Variants in GANAB observed in about 807,000 individuals in gnomAD.
The protein encoded by GANAB is glucosidase II alpha subunit.
A neutral mutation model predicts 129.9 loss-of-function variants in GANAB; 35 were observed. The ratio of observed to expected loss-of-function variants is 0.27; its 90% CI spans 0.21 to 0.36. The LOEUF (loss-of-function observed/expected upper bound fraction) is 0.36. Among genes scored for constraint, GANAB ranks in the 10% least tolerant of loss-of-function variants. The probability of loss-of-function intolerance (pLI) is 1.00; values close to 1 mark genes in which losing one functional copy is unlikely to be tolerated. For missense variants in GANAB, 939 were observed against 1,221.0 expected, an observed-to-expected ratio of 0.77 and a Z score of 3.44; for synonymous variants, 482 against 451.8, an observed-to-expected ratio of 1.07 and a Z score of -0.85.
intron 5 of GANAB, chr11:62,634,359 TA>T: frequency 6.2e-7 from 1 of 1,611,182 alleles, no homozygotes. Flanking sequence ...AGCGTGAGAT[TA>T]ACCTTATCCG....
chr11:62,632,933 C>T, intron 8 of GANAB, 72 bp downstream of exon 8: 1 of 1,018,996 alleles, frequency 9.8e-7, no homozygotes, highest in Admixed American at 1.7e-5. Flanking sequence ...ATCCAATATG[C>T]ACACCCATCT....
Position 62,629,110 on chromosome 11 carries a change from C to G in GANAB, c.1936+84G>C, listed in dbSNP as rs1474390937. 3.9e-6 allele frequency: 6 copies of G among 1,549,136 alleles called. No individual in the cohort carries two copies. In the African/African-American group the frequency reaches 8.2e-5, roughly 21 times the overall value. On this transcript the variant is annotated intron_variant, in intron 16 of 23. Coordinates refer to ENST00000356638, the MANE Select transcript of GANAB (RefSeq NM_198334.3). ...GGCCCTAACTTGGACTCTCAACTCT[C>G]TTTGCTTACAACACCTTGGTCCTGT...
rs1943791852 is a variant in GANAB at position 62,633,514 on chromosome 11, C to T, written c.561G>A (p.Ser187=). Residue 187 remains serine, a splice_region_variant and synonymous_variant, in exon 6 of 24, where the codon TCG becomes TCA. Transcript: ENST00000356638. ...EFEHQRAPRV[S]QGSKDPAEGD... ...CCTCAGCTGGGTCTTTTGATCCTTG[C>T]CTGGAAGGTAGGAGAGCTGTCTGCT... The T allele has an allele frequency of 6.2e-7, 1 of 1,613,630 alleles. No individual in the cohort carries two copies.
At chr11:62,644,038 G>A (rs1944374802) in intron 1 of GANAB, among the ~76,000 whole-genome samples, 1 of 152,098 alleles carries the variant, frequency 6.6e-6, no homozygotes, top group Non-Finnish European at 1.5e-5. Context: ...TCTGCCTCGC[G>A]GGTTCAAGCA....
intron 9 of GANAB, among the ~76,000 whole-genome samples, chr11:62,632,217 G>A (rs1427151313): frequency 2.0e-5 from 3 of 151,032 alleles, no homozygotes; most frequent in East Asian, 2.0e-4. Context: ...CAGGTGATCC[G>A]CCCACCTCAG....
chr11:62,627,192 TG>T, intron 18 of GANAB, 68 bp from the exon 19 acceptor site: 12 of 1,462,042 alleles, frequency 8.2e-6, no homozygotes, highest in Non-Finnish European at 1.2e-5. Context: ...CCAAAGTGCC[TG>T]CCCTCTGCAC....
chr11:62,630,104 G>A (rs1253176861), intron 13 of GANAB, 93 bp downstream of exon 13: 14 of 1,297,286 alleles, frequency 1.1e-5, no homozygotes, highest in African/African-American at 1.5e-5. Flanking sequence ...TATGTTGCAG[G>A]CAATCAACCA....
rs116829363 is a variant in GANAB at position 62,643,270 on chromosome 11, C to T, written c.38+3292G>A. ...CCTATAATCTTGGCACTTTGGGAGGCCCAGGTGGGCAGATCACGAGATCAG... is the reference window on the plus strand; with the variant it reads ...CCTATAATCTTGGCACTTTGGGAGGTCCAGGTGGGCAGATCACGAGATCAG... On this transcript the variant is annotated intron_variant, in intron 1 of 23. Coordinates refer to ENST00000356638, the MANE Select transcript of GANAB (RefSeq NM_198334.3). Among the ~76,000 whole-genome samples the T allele has an allele frequency of 3.9e-3, 600 of 152,230 alleles. 2 individuals are homozygous for T. Among genetic ancestry groups the T allele is most frequent in the Non-Finnish European group, 4.2e-3 (289 of 68,024 alleles).
rs1211531172 is a variant in GANAB at position 62,634,878 on chromosome 11, A to T, written c.503T>A (p.Leu168His). The change falls in exon 5 of 24, where the codon CTT (leucine) becomes CAT (histidine). Residue 168 changes from leucine to histidine, a missense_variant. Physicochemically the swap from Leu to His is moderately conservative, Grantham distance 99. This residue lies in a region of GANAB where 321 missense variants were observed against 329.1 expected (regional missense o/e 0.98). Coordinates refer to ENST00000356638, the MANE Select transcript of GANAB (RefSeq NM_198334.3). Reference sequence around the variant, plus strand: ...CAAGAGTCCTCGGGCATTGACACTAAGCAAAAGACTTCGGTCCTCTAGTAG... The same window carrying T: ...CAAGAGTCCTCGGGCATTGACACTATGCAAAAGACTTCGGTCCTCTAGTAG... ...LDLLEDRSLL[L>H]SVNARGLLEF... is the part of the protein sequence containing the mutation. 41 of 1,614,112 alleles carry T rather than the reference A, an allele frequency of 2.5e-5. No individual in the cohort carries two copies. The highest frequency in any genetic ancestry group is 3.5e-5 in the Non-Finnish European group (41 of 1,179,976).
At chr11:62,635,446 C>A (rs1298215901) in intron 4 of GANAB, among the ~76,000 whole-genome samples, 1 of 151,982 alleles carries the variant, frequency 6.6e-6, no homozygotes, top group Non-Finnish European at 1.5e-5. Context: ...TCGCAAAGTG[C>A]TGGGATTACA....
chr11:62,628,600 T>C (rs1374186604), intron 17 of GANAB, among the ~76,000 whole-genome samples, 169 bp downstream of exon 17: 1 of 152,180 alleles, frequency 6.6e-6, no homozygotes, highest in Non-Finnish European at 1.5e-5. Context: ...TTTCTTTAAA[T>C]GTTTACTATT....
rs762583723 is a variant in GANAB, at chr11:62,626,682, G to T, written c.2400C>A (p.Ile800=). 1.9e-6 allele frequency: 3 copies of T among 1,593,608 alleles called. No homozygotes were observed. The highest frequency in any genetic ancestry group is 2.2e-5 in the South Asian group (2 of 89,364). The part of the protein sequence containing the change: ...TLYLPVTLSS[I]PVFQRGGTIV... Reference sequence around the variant, plus strand: ...TTGTCCCTCCACGCTGGAACACAGGGATCTAGGGCAAGAGCAATGCCAGGA... The same window carrying T: ...TTGTCCCTCCACGCTGGAACACAGGTATCTAGGGCAAGAGCAATGCCAGGA... The change falls in exon 21 of 24, where the codon ATC becomes ATA. Residue 800 remains isoleucine, a splice_region_variant and synonymous_variant. Coordinates refer to ENST00000356638, the MANE Select transcript of GANAB (RefSeq NM_198334.3).
intron 1 of GANAB, among the ~76,000 whole-genome samples, chr11:62,645,943 C>G (rs1007649832): frequency 6.6e-6 from 1 of 152,136 alleles, no homozygotes; most frequent in Non-Finnish European, 1.5e-5. Context: ...AACCCGAGAG[C>G]GTGGACCAAG....
chr11:62,626,526 G>A, intron 21 of GANAB, 45 bp downstream of exon 21: 1 of 1,513,404 alleles, frequency 6.6e-7, no homozygotes, highest in Non-Finnish European at 9.2e-7. Context: ...TGAGTCCTAG[G>A]AAGGCAGGCA....
At chr11:62,635,999 T>A (rs1017412065) in intron 4 of GANAB, among the ~76,000 whole-genome samples, 6 of 151,542 alleles carry the variant, frequency 4.0e-5, no homozygotes, top group African/African-American at 9.7e-5. Context: ...ACTTAAAAAA[T>A]TTTTTTTTCT....
chr11:62,635,523 A>C (rs893925613), intron 4 of GANAB, among the ~76,000 whole-genome samples: 25 of 152,040 alleles, frequency 1.6e-4, no homozygotes, highest in African/African-American at 6.0e-4. Flanking sequence ...GAGGTGGCAT[A>C]GCAGATGAGA....
In GANAB at chr11:62,639,697, C is replaced by T. The variant is rs541740719; in HGVS notation, c.73G>A (p.Val25Ile). Residue 25 changes from valine to isoleucine, a missense_variant, in exon 2 of 24, where the codon GTC becomes ATC. By Grantham distance (29) the Val-to-Ile change is conservative. This residue lies in a region of GANAB where 321 missense variants were observed against 329.1 expected (regional missense o/e 0.98). Coordinates refer to ENST00000356638, the MANE Select transcript of GANAB (RefSeq NM_198334.3). ...WASLVLAFLG[V>I]CLGITLAVDR... ...ACAGCAAGGGTAATCCCCAGGCAGA[C>T]CCCTAAAAAAGCCAGTACCAAAGAC... The T allele has an allele frequency of 6.2e-7, 1 of 1,613,944 alleles. No individual in the cohort carries two copies. Among genetic ancestry groups the T allele is most frequent in the East Asian group, 2.2e-5 (1 of 44,880 alleles).
chr11:62,634,236 C>A, intron 5 of GANAB: 1 of 996,978 alleles, frequency 1.0e-6, no homozygotes, highest in Non-Finnish European at 1.6e-6. Flanking sequence ...TCTGGGGCAC[C>A]TCCCCCCAAA....
At position 62,642,462 on chromosome 11, in the gene GANAB, C is replaced by T. The variant is rs192789659; in HGVS notation, c.39-2731G>A. Reference sequence around the variant, plus strand: ...CTTTTTTTTTTTTTTTGAGATGGAGCCTTGCTCTGTCACCCAGGTTGGAGT... The same window carrying T: ...CTTTTTTTTTTTTTTTGAGATGGAGTCTTGCTCTGTCACCCAGGTTGGAGT... On this transcript the variant is annotated intron_variant, in intron 1 of 23. Transcript: ENST00000356638. Among the ~76,000 whole-genome samples the T allele has an allele frequency of 7.6e-3, 1,134 of 149,802 alleles. 9 individuals carry two copies. Among genetic ancestry groups the T allele is most frequent in the Middle Eastern group, 0.017 (5 of 294 alleles).
Sources: allele counts gnomAD v4.1 joint callset (sites outside exome capture counted in the v4.1 genomes callset), GRCh38; gene constraint gnomAD v4.1.1; regional missense constraint gnomAD v4.1.1; transcripts MANE v1.5; gene names NCBI Gene and HGNC (gene_info 2026-07-23, HGNC 2026-07-21).